GLB1L3: variants seen among roughly 807,000 people sequenced by gnomAD.
The protein encoded by GLB1L3 is galactosidase beta 1 like 3.
In GLB1L3, 89 loss-of-function variants were observed where a neutral mutation model predicts 89.5. The observed-to-expected ratio is 0.99, with a 90% CI of 0.84 to 1.19. The LOEUF (loss-of-function observed/expected upper bound fraction) is 1.19, where lower values mean the gene tolerates loss of function less well. GLB1L3 is among the 50% of genes most tolerant of loss of function. The probability of loss-of-function intolerance (pLI) is 0.00; values close to 1 mark genes in which losing one functional copy is unlikely to be tolerated. For missense variants in GLB1L3, 812 were observed against 813.3 expected, an observed-to-expected ratio of 1.00 and a Z score of 0.02; for synonymous variants, 314 against 312.3, an observed-to-expected ratio of 1.01 and a Z score of -0.06.
chr11:134,312,569 A>ATGCG, intron 14 of GLB1L3, 80 bp downstream of exon 14: 2 of 1,526,810 alleles, frequency 1.3e-6, no homozygotes, highest in Non-Finnish European at 8.9e-7. Flanking sequence ...TGACTGAAGG[A>ATGCG]TGCACGTTGC....
At chr11:134,308,301 A>ACCACCATGT in intron 10 of GLB1L3, among the ~76,000 whole-genome samples, 1 of 28,350 alleles carries the variant, frequency 3.5e-5, no homozygotes, top group Non-Finnish European at 6.7e-5. Context: ...CACCACCACC[A>ACCACCATGT]CCACCACCAC....
chr11:134,281,503 TG>T (rs71038571), intron 4 of GLB1L3, 58 bp downstream of exon 4: 619,625 of 1,344,536 alleles, frequency 0.46, 140,645 homozygotes, highest in African/African-American at 0.52. Context: ...AGGTGGCTAC[TG>T]GGGGTGGATT....
At chr11:134,308,488 AT>A in intron 10 of GLB1L3, among the ~76,000 whole-genome samples, 1 of 6,344 alleles carries the variant, frequency 1.6e-4, no homozygotes, top group African/African-American at 7.5e-4. Context: ...CACCACCACC[AT>A]CACCACCAAA....
chr11:134,305,108 C>T (rs1180808617), intron 9 of GLB1L3: 1 of 1,548,864 alleles, frequency 6.5e-7, no homozygotes, highest in South Asian at 1.2e-5. Flanking sequence ...GCTTTCTCTC[C>T]TCCCAGGGAG....
downstream of GLB1L3, among the ~76,000 whole-genome samples, chr11:134,321,615 T>C (rs1943170438): frequency 6.6e-6 from 1 of 152,166 alleles, no homozygotes; most frequent in Non-Finnish European, 1.5e-5. Flanking sequence ...TCATGTCCTT[T>C]GTAGGGACAT....
chr11:134,319,511 T>G lies in GLB1L3; in HGVS notation c.*569T>G, dbSNP rs1454607665. 2 of 152,250 alleles carry G rather than the reference T, an allele frequency of 1.3e-5. No individual in the cohort carries two copies. The highest frequency in any genetic ancestry group is 2.9e-5 in the Non-Finnish European group (2 of 68,060). The allele number at this position is 152,250 out of a possible 1,614,324, so 9.4% of individuals were successfully genotyped here. On this transcript the variant is annotated 3_prime_UTR_variant, in exon 20 of 20. Coordinates refer to ENST00000431683, the MANE Select transcript of GLB1L3 (RefSeq NM_001080407.3). The stretch of plus-strand genomic sequence containing the variant: ...TGCTTAATCCTTAGCAGGCTCTTAT[T>G]CTTTAATTAAACGTGCCTTTGAGTA...
At chr11:134,286,274 A>G (rs1940977389) in intron 6 of GLB1L3, among the ~76,000 whole-genome samples, 1 of 152,158 alleles carries the variant, frequency 6.6e-6, no homozygotes, top group South Asian at 2.1e-4. Context: ...GAAGAATGTG[A>G]GAGAGAGCTT....
chr11:134,309,617 C>A lies in GLB1L3; in HGVS notation c.962-9C>A. On this transcript the variant is annotated splice_polypyrimidine_tract_variant and intron_variant, in intron 10 of 19. Coordinates refer to ENST00000431683, the MANE Select transcript of GLB1L3 (RefSeq NM_001080407.3). Reference sequence around the variant, plus strand: ...AACATTCTCTGTGTTCTCATGTTCCCCTTTGCAGAGGTTGAACATGCTGTG... The same window carrying A: ...AACATTCTCTGTGTTCTCATGTTCCACTTTGCAGAGGTTGAACATGCTGTG... The A allele has an allele frequency of 6.3e-7, 1 of 1,583,408 alleles. No individual in the cohort carries two copies.
intron 7 of GLB1L3, among the ~76,000 whole-genome samples, chr11:134,291,904 G>A (rs1486065578): frequency 6.6e-6 from 1 of 152,170 alleles, no homozygotes; most frequent in Non-Finnish European, 1.5e-5. Flanking sequence ...GAATCCAGGA[G>A]TTTAAGGTTA....
At chr11:134,319,857 A>C (rs566282540), downstream of GLB1L3, among the ~76,000 whole-genome samples, 75 of 152,190 alleles carry the variant, frequency 4.9e-4, no homozygotes, top group African/African-American at 1.6e-3. Context: ...GTGACCCTGC[A>C]TGTCACATCT....
At chr11:134,311,007 A>C in intron 12 of GLB1L3, 57 bp from the exon 13 acceptor site, 4 of 1,235,810 alleles carry the variant, frequency 3.2e-6, no homozygotes, top group East Asian at 2.3e-5. Context: ...TGGGGGGCTT[A>C]GAGAAGGCAG....
chr11:134,300,400 TC>T (rs1199680312), intron 9 of GLB1L3, among the ~76,000 whole-genome samples: 1 of 150,578 alleles, frequency 6.6e-6, no homozygotes, highest in Non-Finnish European at 1.5e-5. Context: ...TGGTGTGAAC[TC>T]GGCTCACTGC....
upstream of GLB1L3, chr11:134,275,900 GCCTA>G (rs1555069957): frequency 6.6e-6 from 1 of 152,282 alleles, no homozygotes; most frequent in Non-Finnish European, 1.5e-5. Flanking sequence ...CACCACGAGC[GCCTA>G]CCTGAGAGGA....
Position 134,311,168 on chromosome 11 carries a change from G to A in GLB1L3, c.1285G>A (p.Glu429Lys), listed in dbSNP as rs371310740. ...PLWDALSYLN[E>K]PVRSRQPVNM... ...GTGGGACGCCCTATCCTACTTAAATGAGGTGCGTGCTGCCTGGCCACAGGA... is the reference window on the plus strand; with the variant it reads ...GTGGGACGCCCTATCCTACTTAAATAAGGTGCGTGCTGCCTGGCCACAGGA... The change falls in exon 13 of 20, where the codon GAG becomes AAG. Residue 429 changes from glutamate to lysine, a missense_variant and splice_region_variant. Glu to Lys is a moderately conservative substitution (Grantham distance 56). This residue lies in a region of GLB1L3 where 618 missense variants were observed against 604.0 expected (regional missense o/e 1.02). Transcript: ENST00000431683. The A allele has an allele frequency of 1.9e-6, 3 of 1,611,542 alleles. No homozygotes were observed.
At chr11:134,321,839 C>G (rs889439238), downstream of GLB1L3, among the ~76,000 whole-genome samples, 1 of 151,760 alleles carries the variant, frequency 6.6e-6, no homozygotes, top group East Asian at 1.9e-4. Flanking sequence ...TAATGGGTGC[C>G]GCACACCAAC....
intron 10 of GLB1L3, among the ~76,000 whole-genome samples, chr11:134,307,959 G>A (rs776277889): frequency 9.2e-5 from 14 of 152,032 alleles, no homozygotes; most frequent in Non-Finnish European, 1.8e-4. Flanking sequence ...TGTATCTGAA[G>A]TATAGAAAAA....
chr11:134,288,705 A>T, intron 6 of GLB1L3, 93 bp from the exon 7 acceptor site: 1 of 827,368 alleles, frequency 1.2e-6, no homozygotes, highest in Non-Finnish European at 1.9e-6. Context: ...AGCCTGCCGC[A>T]CCAGCTGTGC....
intron 9 of GLB1L3, among the ~76,000 whole-genome samples, chr11:134,293,962 A>T (rs886575171): frequency 6.6e-6 from 1 of 151,902 alleles, no homozygotes; most frequent in Non-Finnish European, 1.5e-5. Context: ...ATTCCAGCAC[A>T]CTGCAGCCCC....
chr11:134,305,006 A>G, intron 9 of GLB1L3: 3 of 1,262,852 alleles, frequency 2.4e-6, no homozygotes, highest in Non-Finnish European at 2.1e-6. Flanking sequence ...GACTGCGCTA[A>G]CAATGTATCT....
Sources: allele counts gnomAD v4.1 joint callset (sites outside exome capture counted in the v4.1 genomes callset), GRCh38; gene constraint gnomAD v4.1.1; regional missense constraint gnomAD v4.1.1; transcripts MANE v1.5; gene names NCBI Gene and HGNC (gene_info 2026-07-23, HGNC 2026-07-21).